Variants in CNTNAP2 observed in about 807,000 individuals in gnomAD.
CNTNAP2 encodes the protein contactin-associated protein-like 2.
CNTNAP2 carries 98 observed loss-of-function variants against 155.2 expected under a neutral mutation model. The ratio of observed to expected loss-of-function variants is 0.63; its 90% confidence interval spans 0.54 to 0.75. The LOEUF is 0.75. Ranked by LOEUF, CNTNAP2 falls within the 30% of genes least tolerant of loss-of-function variation. The probability of loss-of-function intolerance (pLI) is 0.00; values close to 1 mark genes in which losing one functional copy is unlikely to be tolerated. For missense variants in CNTNAP2, 1,727 were observed against 1,688.1 expected (o/e 1.02, Z -0.40); for synonymous variants, 651 against 631.2 (o/e 1.03, Z -0.47).
At chr7:148,077,084 G>A (rs1236807154) in intron 15 of CNTNAP2, among the ~76,000 whole-genome samples, 1 of 152,112 alleles carries the variant, frequency 6.6e-6, no homozygotes, top group African/African-American at 2.4e-5. Context: ...AAGGCGGGTG[G>A]CTCACCTGAG....
chr7:147,374,069 T>G (rs2116919821), intron 9 of CNTNAP2, among the ~76,000 whole-genome samples: 1 of 152,186 alleles, frequency 6.6e-6, no homozygotes, highest in African/African-American at 2.4e-5. Context: ...TAAAACTCAT[T>G]CACAGAGATG....
intron 13 of CNTNAP2, among the ~76,000 whole-genome samples, chr7:147,903,187 A>G (rs1799902942): frequency 6.6e-6 from 1 of 152,130 alleles, no homozygotes; most frequent in African/African-American, 2.4e-5. Flanking sequence ...ATAAGGTAGT[A>G]TTGCATTTTG....
chr7:147,127,785 A>C (rs1475676907), intron 6 of CNTNAP2, among the ~76,000 whole-genome samples: 1 of 152,190 alleles, frequency 6.6e-6, no homozygotes, highest in Admixed American at 6.5e-5. Context: ...ATAGTAAAAA[A>C]AATAGATAAT....
At chr7:147,316,293 T>C (rs1347934838) in intron 9 of CNTNAP2, among the ~76,000 whole-genome samples, 1 of 152,100 alleles carries the variant, frequency 6.6e-6, no homozygotes, top group Non-Finnish European at 1.5e-5. Context: ...ATGTCTGTTA[T>C]TATCAGACAT....
At chr7:147,638,850 T>TC in intron 12 of CNTNAP2, 1 of 606,100 alleles carries the variant, frequency 1.6e-6, no homozygotes, top group Non-Finnish European at 3.0e-6. Context: ...GCTTTTTTTT[T>TC]TTTTCTTTTT....
intron 21 of CNTNAP2, among the ~76,000 whole-genome samples, chr7:148,357,675 G>A (rs193275466): frequency 2.0e-3 from 308 of 152,278 alleles, no homozygotes; most frequent in Admixed American, 3.4e-3. Context: ...ATCCTGCAGG[G>A]TATTGTAGTA....
At chr7:146,888,328 T>C (rs1196682317) in intron 3 of CNTNAP2, among the ~76,000 whole-genome samples, 1 of 152,138 alleles carries the variant, frequency 6.6e-6, no homozygotes, top group Non-Finnish European at 1.5e-5. Flanking sequence ...TCCAGAATAT[T>C]TTATACATAT....
chr7:147,064,583 G>A (rs1004796152), intron 4 of CNTNAP2, among the ~76,000 whole-genome samples: 11 of 152,054 alleles, frequency 7.2e-5, no homozygotes, highest in African/African-American at 2.7e-4. Flanking sequence ...CACACACACC[G>A]CCTTTCTTTC....
At chr7:148,135,397 T>C (rs1804915895) in intron 16 of CNTNAP2, among the ~76,000 whole-genome samples, 1 of 152,216 alleles carries the variant, frequency 6.6e-6, no homozygotes. Flanking sequence ...TTTTGAAAGA[T>C]AAATTTCCAC....
intron 1 of CNTNAP2, among the ~76,000 whole-genome samples, chr7:146,668,428 C>CTG (rs573459590): frequency 0.047 from 5,411 of 115,334 alleles, 129 homozygotes; most frequent in Admixed American, 0.084. Flanking sequence ...TGTAATTTTC[C>CTG]TGTGTGTGTG....
At chr7:147,274,545 T>C (rs930384086) in intron 8 of CNTNAP2, among the ~76,000 whole-genome samples, 52 of 152,306 alleles carry the variant, frequency 3.4e-4, no homozygotes, top group African/African-American at 9.9e-4. Context: ...AAGTTGTTCT[T>C]TGAGTTCTTT....
intron 20 of CNTNAP2, among the ~76,000 whole-genome samples, chr7:148,230,270 C>CT (rs536033605): frequency 2.0e-5 from 3 of 152,354 alleles, no homozygotes; most frequent in African/African-American, 7.2e-5. Flanking sequence ...ATCTCAGACT[C>CT]TGACTGTGGG....
rs538258251 is a variant in CNTNAP2, at chr7:147,532,686, A to G, written c.1778-29452A>G. Among the ~76,000 whole-genome samples, 6 of 152,346 alleles carry G rather than the reference A, an allele frequency of 3.9e-5. No individual in the cohort carries two copies. The South Asian group carries it at 1.0e-3, about 26-fold the overall frequency. The stretch of plus-strand genomic sequence containing the variant: ...AGTTTAATTGGACTTACAGTTTCAC[A>G]TGACTGAGGAGGCCTCAGAATCATG... On this transcript the variant is annotated intron_variant, in intron 11 of 23. Coordinates refer to ENST00000361727, the MANE Select transcript of CNTNAP2 (RefSeq NM_014141.6).
At chr7:147,941,417 T>A (rs1194904359) in intron 14 of CNTNAP2, among the ~76,000 whole-genome samples, 1 of 152,122 alleles carries the variant, frequency 6.6e-6, no homozygotes, top group Non-Finnish European at 1.5e-5. Flanking sequence ...GTCTCCTTCC[T>A]CTCCTGCCAG....
At chr7:148,204,323 A>G (rs1360466087) in intron 18 of CNTNAP2, among the ~76,000 whole-genome samples, 1 of 152,268 alleles carries the variant, frequency 6.6e-6, no homozygotes, top group Non-Finnish European at 1.5e-5. Context: ...TATATGAAAT[A>G]AAGTAGTTGC....
At chr7:147,957,017 C>A (rs190604496) in intron 14 of CNTNAP2, among the ~76,000 whole-genome samples, 2 of 152,200 alleles carry the variant, frequency 1.3e-5, no homozygotes, top group East Asian at 3.9e-4. Context: ...TGCTTAGATG[C>A]GGTAAAATAA....
intron 9 of CNTNAP2, among the ~76,000 whole-genome samples, chr7:147,373,751 G>A (rs1406605339): frequency 6.6e-6 from 1 of 151,882 alleles, no homozygotes; most frequent in African/African-American, 2.4e-5. Context: ...GAGAACTTTA[G>A]TTTATTATAC....
intron 4 of CNTNAP2, among the ~76,000 whole-genome samples, chr7:147,069,352 C>A (rs1358986285): frequency 6.6e-6 from 1 of 152,132 alleles, no homozygotes; most frequent in Non-Finnish European, 1.5e-5. Context: ...TGCTGTATAA[C>A]ATAACCATAA....
chr7:146,129,052 T>C (rs1160057661), intron 1 of CNTNAP2, among the ~76,000 whole-genome samples: 1 of 152,214 alleles, frequency 6.6e-6, no homozygotes, highest in East Asian at 1.9e-4. Flanking sequence ...TAATTTATTA[T>C]CTACTCTTTG....
Sources: allele counts gnomAD v4.1 joint callset (sites outside exome capture counted in the v4.1 genomes callset), GRCh38; gene constraint gnomAD v4.1.1; transcripts MANE v1.5; gene names NCBI Gene and HGNC (gene_info 2026-07-23, HGNC 2026-07-21).